The following PTPRD variants were observed in gnomAD, a reference collection of about 807,000 sequenced individuals.
PTPRD encodes the protein protein tyrosine phosphatase receptor type D, also known as receptor-type tyrosine-protein phosphatase delta.
A neutral mutation model predicts 214.5 loss-of-function variants in PTPRD; 34 were observed. The ratio of observed to expected loss-of-function variants is 0.16; its 90% CI spans 0.12 to 0.21. The LOEUF is 0.21. PTPRD is among the 10% of genes least tolerant of loss of function. PTPRD has a pLI of 1.00. For missense variants in PTPRD, 2,545 were observed against 2,398.7 expected, an observed-to-expected ratio of 1.06 and a Z score of -1.27; for synonymous variants, 1,128 against 845.7, an observed-to-expected ratio of 1.33 and a Z score of -5.79.
At chr9:9,470,217 G>C (rs2094496364) in intron 8 of PTPRD, among the ~76,000 whole-genome samples, 1 of 152,088 alleles carries the variant, frequency 6.6e-6, no homozygotes, top group Non-Finnish European at 1.5e-5. Flanking sequence ...TATTTGTATG[G>C]TCACTTCTAG....
At chr9:8,473,020 T>A (rs189048069) in intron 30 of PTPRD, among the ~76,000 whole-genome samples, 1 of 152,332 alleles carries the variant, frequency 6.6e-6, no homozygotes, top group African/African-American at 2.4e-5. Context: ...AGATACCAGC[T>A]GCTACTGGCT....
chr9:9,617,462 G>A (rs2094944749), intron 7 of PTPRD, among the ~76,000 whole-genome samples: 1 of 152,154 alleles, frequency 6.6e-6, no homozygotes, highest in African/African-American at 2.4e-5. Context: ...ACGGAAATAA[G>A]TAGGATAATC....
chr9:8,624,123 A>C (rs1395359584), intron 14 of PTPRD, among the ~76,000 whole-genome samples: 1 of 151,924 alleles, frequency 6.6e-6, no homozygotes, highest in Non-Finnish European at 1.5e-5. Flanking sequence ...TAGGCAGTTG[A>C]AGCAATTGAC....
intron 7 of PTPRD, among the ~76,000 whole-genome samples, chr9:9,607,750 A>C (rs1006250072): frequency 6.6e-6 from 1 of 151,882 alleles, no homozygotes; most frequent in Non-Finnish European, 1.5e-5. Context: ...GTTAGTAAAA[A>C]AAAAAAAAAA....
At chr9:8,712,549 A>G (rs538123720) in intron 12 of PTPRD, among the ~76,000 whole-genome samples, 14 of 152,266 alleles carry the variant, frequency 9.2e-5, no homozygotes, top group African/African-American at 3.4e-4. Flanking sequence ...ATCCAGAACA[A>G]CAGTCATTTA....
intron 10 of PTPRD, among the ~76,000 whole-genome samples, chr9:9,065,229 G>C (rs551188911): frequency 4.6e-5 from 7 of 152,158 alleles, no homozygotes; most frequent in Non-Finnish European, 7.4e-5. Flanking sequence ...ATAAGGATAG[G>C]GTGAAAAGGG....
chr9:10,124,245 T>C (rs191481111), intron 3 of PTPRD, among the ~76,000 whole-genome samples: 6 of 152,360 alleles, frequency 3.9e-5, no homozygotes, highest in Admixed American at 3.9e-4. Flanking sequence ...GTTACTCATT[T>C]CATGCATATT....
intron 10 of PTPRD, among the ~76,000 whole-genome samples, chr9:9,080,103 G>T (rs898847238): frequency 2.6e-5 from 4 of 151,832 alleles, no homozygotes; most frequent in African/African-American, 9.7e-5. Context: ...ATTGTCTATT[G>T]AGCATCTATC....
At chr9:10,330,394 T>G (rs972887195) in intron 3 of PTPRD, among the ~76,000 whole-genome samples, 2 of 151,778 alleles carry the variant, frequency 1.3e-5, no homozygotes, top group Non-Finnish European at 2.9e-5. Context: ...CTGGGCAGAT[T>G]TGCACTCCTG....
intron 11 of PTPRD, among the ~76,000 whole-genome samples, chr9:8,903,997 A>G (rs1336576593): frequency 6.6e-6 from 1 of 152,210 alleles, no homozygotes; most frequent in African/African-American, 2.4e-5. Context: ...TTATGATATT[A>G]TGATTCGATT....
intron 10 of PTPRD, among the ~76,000 whole-genome samples, chr9:9,139,352 T>C (rs1434030574): frequency 6.6e-6 from 1 of 152,212 alleles, no homozygotes; most frequent in Non-Finnish European, 1.5e-5. Context: ...TTCTTATAAA[T>C]TGTTTCAGTT....
At chr9:10,259,372 C>G (rs570633651) in intron 3 of PTPRD, among the ~76,000 whole-genome samples, 86 of 152,158 alleles carry the variant, frequency 5.7e-4, no homozygotes, top group Non-Finnish European at 1.0e-3. Flanking sequence ...TCTTCCTCAC[C>G]AATATGTGGT....
At chr9:10,090,874 T>C (rs2098420407) in intron 3 of PTPRD, among the ~76,000 whole-genome samples, 1 of 143,370 alleles carries the variant, frequency 7.0e-6, no homozygotes, top group Non-Finnish European at 1.5e-5. Context: ...ACTTTTGTCT[T>C]ACAAAAATCT....
chr9:8,983,883 T>C (rs1029749841), intron 11 of PTPRD, among the ~76,000 whole-genome samples: 1 of 152,050 alleles, frequency 6.6e-6, no homozygotes, highest in Non-Finnish European at 1.5e-5. Context: ...CTTTTTTACA[T>C]GTGAAAAAGA....
rs564555930 is a variant in PTPRD at position 9,202,615 on chromosome 9, C to T, written c.-202-19252G>A. Among the ~76,000 whole-genome samples the T allele has an allele frequency of 7.9e-5, 12 of 152,234 alleles. 1 individual carries two copies. The highest frequency in any genetic ancestry group is 1.9e-4 in the East Asian group (1 of 5,168). On this transcript the variant is annotated intron_variant, in intron 9 of 45. Coordinates refer to ENST00000381196, the MANE Select transcript of PTPRD (RefSeq NM_002839.4). ...TTGGGGGATGGGGGGTGTAGTGGTA[C>T]ATTATTAGTTGTTGCCTTGAAACTT...
chr9:10,001,961 C>A (rs1369021097), intron 4 of PTPRD, among the ~76,000 whole-genome samples: 1 of 151,886 alleles, frequency 6.6e-6, no homozygotes, highest in Non-Finnish European at 1.5e-5. Context: ...GAGATAACTG[C>A]ATGAATTTTA....
chr9:8,637,555 G>T (rs1490465087), intron 12 of PTPRD, among the ~76,000 whole-genome samples: 1 of 152,138 alleles, frequency 6.6e-6, no homozygotes. Flanking sequence ...TTGGAAGCTT[G>T]TTCAACATCC....
intron 9 of PTPRD, among the ~76,000 whole-genome samples, chr9:9,321,746 G>A (rs1320821438): frequency 6.6e-6 from 1 of 152,034 alleles, no homozygotes; most frequent in African/African-American, 2.4e-5. Flanking sequence ...TCTCTATCTT[G>A]ATTTCTACAT....
chr9:9,801,729 T>A (rs2153511266), intron 5 of PTPRD, among the ~76,000 whole-genome samples: 1 of 152,194 alleles, frequency 6.6e-6, no homozygotes, highest in African/African-American at 2.4e-5. Context: ...TTCAGCTAAC[T>A]ATTAAAGGTT....
Sources: gnomAD v4.1 joint callset for allele counts (sites outside exome capture counted in the v4.1 genomes callset) on GRCh38, gnomAD v4.1.1 for gene constraint, MANE v1.5 for transcripts, NCBI Gene and HGNC (gene_info 2026-07-23, HGNC 2026-07-21) for gene names.